PDGFC: variants seen among roughly 807,000 people sequenced by gnomAD.
The protein encoded by PDGFC is platelet derived growth factor C.
In PDGFC, 12 loss-of-function variants were observed where a neutral mutation model predicts 35.5. The observed-to-expected ratio is 0.34, with a 90% confidence interval of 0.22 to 0.55. PDGFC has a LOEUF of 0.55. PDGFC is among the 20% of genes least tolerant of loss of function. The probability of loss-of-function intolerance (pLI) is 0.91; values close to 1 mark genes in which losing one functional copy is unlikely to be tolerated. For synonymous variants in PDGFC, 159 were observed against 148.8 expected, an observed-to-expected ratio of 1.07 and a Z score of -0.50; for missense variants, 322 against 412.4, an observed-to-expected ratio of 0.78 and a Z score of 1.90.
chr4:156,939,521 A>G (rs1282039357), intron 1 of PDGFC, among the ~76,000 whole-genome samples: 2 of 152,104 alleles, frequency 1.3e-5, no homozygotes, highest in East Asian at 1.9e-4. Flanking sequence ...TACAAATCTT[A>G]TATGTAAGAA....
intron 1 of PDGFC, among the ~76,000 whole-genome samples, chr4:156,949,338 G>C (rs1455359492): frequency 6.6e-6 from 1 of 151,750 alleles, no homozygotes; most frequent in Admixed American, 6.6e-5. Flanking sequence ...GCAAAGTAAT[G>C]GGGAAAAAGT....
At chr4:156,768,562 A>G (rs1163988076) in intron 4 of PDGFC, among the ~76,000 whole-genome samples, 1 of 151,984 alleles carries the variant, frequency 6.6e-6, no homozygotes, top group Admixed American at 6.6e-5. Flanking sequence ...CCATGAGTGA[A>G]AAAAAATGAC....
At chr4:156,960,623 T>C (rs1255843820) in intron 1 of PDGFC, among the ~76,000 whole-genome samples, 1 of 151,954 alleles carries the variant, frequency 6.6e-6, no homozygotes, top group Admixed American at 6.6e-5. Flanking sequence ...ATGCCTTTTA[T>C]TATCTACAAA....
chr4:156,840,913 A>T (rs1232554013), intron 2 of PDGFC, among the ~76,000 whole-genome samples: 1 of 152,122 alleles, frequency 6.6e-6, no homozygotes, highest in Admixed American at 6.5e-5. Flanking sequence ...TGTTTAAGCC[A>T]ATTTCTCCCA....
chr4:156,782,022 G>A (rs1053156414), intron 3 of PDGFC, among the ~76,000 whole-genome samples: 3 of 152,096 alleles, frequency 2.0e-5, no homozygotes, highest in Admixed American at 6.6e-5. Flanking sequence ...ATTAGGCAGC[G>A]TTCAATGACA....
intron 2 of PDGFC, among the ~76,000 whole-genome samples, chr4:156,813,590 A>C (rs573141201): frequency 6.6e-6 from 1 of 152,260 alleles, no homozygotes; most frequent in South Asian, 2.1e-4. Context: ...GATGTAAAGA[A>C]GAAAGAAAGC....
chr4:156,891,970 G>T (rs1476912152), intron 1 of PDGFC, among the ~76,000 whole-genome samples: 1 of 152,098 alleles, frequency 6.6e-6, no homozygotes, highest in East Asian at 1.9e-4. Context: ...TGATAACAAT[G>T]AATACAGTAT....
chr4:156,856,927 A>G (rs1173065892), intron 1 of PDGFC, among the ~76,000 whole-genome samples: 1 of 152,104 alleles, frequency 6.6e-6, no homozygotes, highest in Non-Finnish European at 1.5e-5. Context: ...TTTTCTTAAT[A>G]TACCTACTTA....
intron 2 of PDGFC, among the ~76,000 whole-genome samples, chr4:156,824,494 A>G (rs1163786302): frequency 6.6e-6 from 1 of 151,754 alleles, no homozygotes; most frequent in African/African-American, 2.4e-5. Flanking sequence ...ACAACTAGCA[A>G]AAATATTGAG....
intron 1 of PDGFC, among the ~76,000 whole-genome samples, chr4:156,964,010 G>T (rs1579129752): frequency 6.7e-6 from 1 of 149,212 alleles, no homozygotes; most frequent in Admixed American, 6.7e-5. Context: ...TTGAACTTCT[G>T]AATAGAATAT....
At chr4:156,791,930 G>A (rs1435932147) in intron 3 of PDGFC, among the ~76,000 whole-genome samples, 1 of 152,108 alleles carries the variant, frequency 6.6e-6, no homozygotes, top group Non-Finnish European at 1.5e-5. Flanking sequence ...TCTCCATTTG[G>A]CCATGAACTT....
At chr4:156,895,581 G>A (rs533077110) in intron 1 of PDGFC, among the ~76,000 whole-genome samples, 1 of 151,508 alleles carries the variant, frequency 6.6e-6, no homozygotes, top group South Asian at 2.1e-4. Context: ...GCAGTAAGCT[G>A]AGATCGTGCC....
intron 3 of PDGFC, among the ~76,000 whole-genome samples, chr4:156,796,110 C>A (rs908808099): frequency 1.3e-5 from 2 of 152,080 alleles, no homozygotes; most frequent in Non-Finnish European, 2.9e-5. Flanking sequence ...TGGTTCTGCA[C>A]CACACTGCAG....
intron 4 of PDGFC, among the ~76,000 whole-genome samples, chr4:156,768,191 T>C (rs924690571): frequency 8.6e-5 from 13 of 152,034 alleles, no homozygotes; most frequent in Non-Finnish European, 1.5e-4. Context: ...CAAAGCTTCA[T>C]TATGACTTAG....
chr4:156,831,503 C>T lies in PDGFC; in HGVS notation c.314+18718G>A, dbSNP rs558825773. ...CTATCGCGCAGGCTGGAGTGCAGTG[C>T]CATGATCTCGACTCACTGCAACCTC... On this transcript the variant is annotated intron_variant, in intron 2 of 5. Transcript: ENST00000502773. 4.8e-3 allele frequency among the ~76,000 whole-genome samples: 667 copies of T among 138,522 alleles called. 2 individuals carry two copies. Among genetic ancestry groups the T allele is most frequent in the African/African-American group, 0.018 (638 of 35,210 alleles). 90.9% of individuals were successfully genotyped at this position (138,522 alleles called of 152,430 possible).
chr4:156,834,275 T>C (rs1236234923), intron 2 of PDGFC, among the ~76,000 whole-genome samples: 1 of 152,174 alleles, frequency 6.6e-6, no homozygotes, highest in Non-Finnish European at 1.5e-5. Flanking sequence ...ATAATCACTT[T>C]TTTGGATGTT....
intron 2 of PDGFC, among the ~76,000 whole-genome samples, chr4:156,826,781 TA>T (rs1728767950): frequency 6.6e-6 from 1 of 152,188 alleles, no homozygotes; most frequent in South Asian, 2.1e-4. Flanking sequence ...ACCCTGATTT[TA>T]AAAGAAAATA....
chr4:156,773,990 C>A (rs1015819978), intron 3 of PDGFC, among the ~76,000 whole-genome samples: 1 of 152,150 alleles, frequency 6.6e-6, no homozygotes, highest in Non-Finnish European at 1.5e-5. Context: ...CTATAAATAG[C>A]AGCTTCTAAC....
At chr4:156,957,256 A>T (rs1244368550) in intron 1 of PDGFC, among the ~76,000 whole-genome samples, 1 of 152,032 alleles carries the variant, frequency 6.6e-6, no homozygotes, top group Non-Finnish European at 1.5e-5. Context: ...AAACAAGCAA[A>T]GAAACAAAAC....
Sources: gnomAD v4.1 joint callset for allele counts (sites outside exome capture counted in the v4.1 genomes callset) on GRCh38, gnomAD v4.1.1 for gene constraint, MANE v1.5 for transcripts, NCBI Gene and HGNC (gene_info 2026-07-23, HGNC 2026-07-21) for gene names.